EFL1: variants seen among roughly 807,000 people sequenced by gnomAD.
EFL1 encodes elongation factor like GTPase 1.
A neutral mutation model predicts 126.7 loss-of-function variants in EFL1; 76 were observed. That is an observed-to-expected ratio of 0.60 (90% CI 0.50 to 0.73). The LOEUF (loss-of-function observed/expected upper bound fraction) is 0.73, where lower values mean the gene tolerates loss of function less well. Among genes scored for constraint, EFL1 ranks in the 30% least tolerant of loss-of-function variants. The pLI is 0.00. For synonymous variants in EFL1, 410 were observed against 448.4 expected (o/e 0.91, Z 1.08); for missense variants, 1,128 against 1,343.2 (o/e 0.84, Z 2.50).
intron 15 of EFL1, among the ~76,000 whole-genome samples, chr15:82,172,672 G>A (rs766353238): frequency 4.6e-5 from 7 of 152,160 alleles, no homozygotes; most frequent in Non-Finnish European, 7.4e-5. Flanking sequence ...AAGGAAGAAT[G>A]AACTTGTTCT....
At chr15:82,138,907 G>T in intron 18 of EFL1, 65 bp from the exon 19 acceptor site, 1 of 1,460,114 alleles carries the variant, frequency 6.8e-7, no homozygotes, top group Non-Finnish European at 9.4e-7. Flanking sequence ...ACCAAGACAT[G>T]ATTACCCATA....
At chr15:82,175,991 G>C (rs1198736151) in intron 15 of EFL1, among the ~76,000 whole-genome samples, 1 of 152,076 alleles carries the variant, frequency 6.6e-6, no homozygotes, top group Admixed American at 6.6e-5. Flanking sequence ...ACCAGGAAAA[G>C]TTATTAGACA....
At chr15:82,206,977 A>G (rs201320755) in intron 15 of EFL1, among the ~76,000 whole-genome samples, 1 of 152,146 alleles carries the variant, frequency 6.6e-6, no homozygotes, top group East Asian at 1.9e-4. Flanking sequence ...ACGTTTTACT[A>G]AACTACTGAC....
Position 82,238,306 on chromosome 15 carries a change from C to T in EFL1, c.731+1G>A, listed in dbSNP as rs1454049614. On this transcript the variant is annotated splice_donor_variant, in intron 7 of 19. Coordinates refer to ENST00000268206, the MANE Select transcript of EFL1 (RefSeq NM_024580.6). LOFTEE classifies it high-confidence loss of function. Reference sequence around the variant, plus strand: ...ATTTAATCAGATGCAAACAGACTTACCCAAAGCCCCACCCATCTATTGCAC... The same window carrying T: ...ATTTAATCAGATGCAAACAGACTTATCCAAAGCCCCACCCATCTATTGCAC... 1 of 1,613,760 alleles carries T rather than the reference C, an allele frequency of 6.2e-7. No individual in the cohort carries two copies. The highest frequency in any genetic ancestry group is 2.2e-5 in the East Asian group (1 of 44,900).
At position 82,152,183 on chromosome 15, in the gene EFL1, G is replaced by A. The variant is rs1390117346; in HGVS notation, c.2271C>T (p.Pro757=). ...KLATLSVRAM[P]LPEEVTQILE... is the part of the protein sequence containing the mutation. The stretch of plus-strand genomic sequence containing the variant: ...GAATCTGGGTGACTTCTTCTGGAAG[G>A]GGCATGGCTCGAACACTGAGCGTGG... The change falls in exon 18 of 20, where the codon CCC becomes CCT. Residue 757 remains proline (P), a synonymous_variant. Coordinates refer to ENST00000268206, the MANE Select transcript of EFL1 (RefSeq NM_024580.6). The A allele has an allele frequency of 2.5e-6, 4 of 1,613,994 alleles. No individual in the cohort carries two copies. The highest frequency in any genetic ancestry group is 3.4e-6 in the Non-Finnish European group (4 of 1,180,034).
chr15:82,238,247 A>G, intron 7 of EFL1, 60 bp downstream of exon 7: 1 of 1,555,246 alleles, frequency 6.4e-7, no homozygotes, highest in Non-Finnish European at 8.7e-7. Context: ...AGTTTCACTA[A>G]AAACAATCAA....
At chr15:82,211,826 T>C (rs1304630955) in intron 15 of EFL1, among the ~76,000 whole-genome samples, 3 of 152,154 alleles carry the variant, frequency 2.0e-5, no homozygotes, top group Non-Finnish European at 4.4e-5. Context: ...ATGAAGCCAT[T>C]AAAATGGGTT....
At chr15:82,193,074 T>C (rs927998861) in intron 15 of EFL1, among the ~76,000 whole-genome samples, 1 of 152,186 alleles carries the variant, frequency 6.6e-6, no homozygotes, top group Non-Finnish European at 1.5e-5. Context: ...GAAACCAAAA[T>C]AAAAATGTGC....
At chr15:82,216,470 C>T (rs1031915927) in intron 14 of EFL1, among the ~76,000 whole-genome samples, 5 of 152,040 alleles carry the variant, frequency 3.3e-5, no homozygotes, top group African/African-American at 1.2e-4. Context: ...GATGTCAAAA[C>T]ATTTAAAAAT....
At chr15:82,229,696 C>A (rs548988706) in intron 8 of EFL1, among the ~76,000 whole-genome samples, 48 of 152,118 alleles carry the variant, frequency 3.2e-4, no homozygotes, top group African/African-American at 1.2e-3. Context: ...AAGTCATTGG[C>A]TTAGAATGCT....
At chr15:82,149,113 A>G (rs369817032) in intron 18 of EFL1, among the ~76,000 whole-genome samples, 2 of 152,330 alleles carry the variant, frequency 1.3e-5, no homozygotes, top group African/African-American at 4.8e-5. Context: ...AAAAAAATGA[A>G]TAAGAAATCA....
intron 14 of EFL1, chr15:82,215,750 AG>A (rs1288258615): frequency 2.6e-5 from 4 of 152,330 alleles, no homozygotes; most frequent in African/African-American, 9.6e-5. Context: ...ACAAAAAGGT[AG>A]TATAGGCAAG....
intron 2 of EFL1, among the ~76,000 whole-genome samples, chr15:82,261,450 G>A (rs1001272205): frequency 1.3e-5 from 2 of 152,160 alleles, no homozygotes; most frequent in Non-Finnish European, 2.9e-5. Context: ...TTCAAGTTCT[G>A]CTTTAAAAAA....
intron 14 of EFL1, among the ~76,000 whole-genome samples, chr15:82,216,618 T>C (rs1238018331): frequency 6.6e-6 from 1 of 152,116 alleles, no homozygotes; most frequent in African/African-American, 2.4e-5. Context: ...AGATGGACTA[T>C]TCAATAATGT....
chr15:82,173,392 T>C (rs1444351976), intron 15 of EFL1, among the ~76,000 whole-genome samples: 3 of 152,148 alleles, frequency 2.0e-5, no homozygotes, highest in Non-Finnish European at 4.4e-5. Context: ...CTGAGGAATA[T>C]GGGAGTTATT....
intron 18 of EFL1, among the ~76,000 whole-genome samples, chr15:82,140,548 C>T (rs967117054): frequency 5.3e-5 from 8 of 152,150 alleles, no homozygotes; most frequent in Non-Finnish European, 1.5e-5. Flanking sequence ...CTCAGCGAGA[C>T]AACTAATTTA....
chr15:82,138,430 A>ATGTCTG (rs1555423521), intron 19 of EFL1, among the ~76,000 whole-genome samples: 1 of 146,014 alleles, frequency 6.8e-6, no homozygotes, highest in African/African-American at 2.5e-5. Context: ...GAGAGAGTGT[A>ATGTCTG]TGTGTGTGTG....
intron 19 of EFL1, among the ~76,000 whole-genome samples, chr15:82,135,178 T>G (rs1456778876): frequency 6.6e-6 from 1 of 152,216 alleles, no homozygotes; most frequent in Non-Finnish European, 1.5e-5. Flanking sequence ...AAAACTTTTC[T>G]TGAGAATATT....
At chr15:82,192,740 C>A (rs1202881367) in intron 15 of EFL1, among the ~76,000 whole-genome samples, 2 of 152,126 alleles carry the variant, frequency 1.3e-5, no homozygotes, top group African/African-American at 4.8e-5. Context: ...AGATTATACA[C>A]ACTCATAGCA....
Sources: allele counts gnomAD v4.1 joint callset (sites outside exome capture counted in the v4.1 genomes callset), GRCh38; gene constraint gnomAD v4.1.1; transcripts MANE v1.5; gene names NCBI Gene and HGNC (gene_info 2026-07-23, HGNC 2026-07-21).